PPP2R2C: variants seen among roughly 807,000 people sequenced by gnomAD.
PPP2R2C encodes the protein protein phosphatase 2 regulatory subunit Bgamma, also known as protein phosphatase 2, regulatory subunit B, gamma.
In PPP2R2C, 10 loss-of-function variants were observed where a neutral mutation model predicts 45.3. That is an observed-to-expected ratio of 0.22 (90% confidence interval 0.14 to 0.37). The LOEUF is 0.37. PPP2R2C is among the 10% of genes least tolerant of loss of function. The pLI, the probability that PPP2R2C is intolerant of heterozygous loss-of-function variation, is 1.00. For missense variants in PPP2R2C, 308 were observed against 619.7 expected, an observed-to-expected ratio of 0.50 and a Z score of 5.34; for synonymous variants, 257 against 245.4, an observed-to-expected ratio of 1.05 and a Z score of -0.44.
At chr4:6,376,451 C>CTT (rs58446685) in intron 3 of PPP2R2C, among the ~76,000 whole-genome samples, 2 of 144,010 alleles carry the variant, frequency 1.4e-5, no homozygotes, top group Non-Finnish European at 1.5e-5. Context: ...AGTGACATGT[C>CTT]TTTTTTTTTT....
At chr4:6,379,716 T>C (rs1056062617) in intron 2 of PPP2R2C, among the ~76,000 whole-genome samples, 4 of 152,242 alleles carry the variant, frequency 2.6e-5, no homozygotes, top group Non-Finnish European at 5.9e-5. Context: ...GAGGAACTGA[T>C]TGGCAGCTAG....
intron 1 of PPP2R2C, chr4:6,414,086 G>A (rs1251410796): frequency 1.1e-5 from 11 of 1,003,552 alleles, no homozygotes; most frequent in Admixed American, 6.1e-5. Context: ...ATGTGTGTGT[G>A]TGTGTGTGTG....
intron 2 of PPP2R2C, among the ~76,000 whole-genome samples, chr4:6,493,681 C>T (rs773223242): frequency 6.6e-6 from 1 of 151,954 alleles, no homozygotes; most frequent in Non-Finnish European, 1.5e-5. Context: ...ACACCCGCAG[C>T]GGAACACACC....
chr4:6,385,857 G>A (rs139114502), intron 1 of PPP2R2C, among the ~76,000 whole-genome samples: 15 of 152,150 alleles, frequency 9.9e-5, no homozygotes, highest in African/African-American at 1.4e-4. Flanking sequence ...GTGAGCCACC[G>A]CGCCCGGCCT....
At chr4:6,518,764 A>G (rs1723910305) in intron 2 of PPP2R2C, among the ~76,000 whole-genome samples, 1 of 151,982 alleles carries the variant, frequency 6.6e-6, no homozygotes, top group South Asian at 2.1e-4. Context: ...CTCTACTAAA[A>G]ATACAAAAAT....
chr4:6,534,655 A>G (rs1724537547), intron 2 of PPP2R2C, among the ~76,000 whole-genome samples: 1 of 152,004 alleles, frequency 6.6e-6, no homozygotes, highest in African/African-American at 2.4e-5. Flanking sequence ...ACAGCCCCAA[A>G]GAGATACACA....
intron 5 of PPP2R2C, among the ~76,000 whole-genome samples, chr4:6,371,339 A>T (rs1374338427): frequency 6.6e-6 from 1 of 152,162 alleles, no homozygotes; most frequent in Non-Finnish European, 1.5e-5. Flanking sequence ...CCTGGATCTC[A>T]GACCACAAAA....
In PPP2R2C at chr4:6,347,752, C is replaced by A. The variant is rs554741977; in HGVS notation, c.790+94G>T. 3.3e-5 allele frequency: 47 copies of A among 1,442,022 alleles called. No homozygotes were observed. In the South Asian group the frequency reaches 6.3e-4, roughly 19 times the overall value. 89.3% of individuals were successfully genotyped at this position (1,442,022 alleles called of 1,614,324 possible). A position where few individuals can be genotyped will look rare whatever the true frequency, so the allele number is the denominator to read the frequency against. Reference sequence around the variant, plus strand: ...CAGTCCAGGACATGCTCATCCCACACCCACCACCCCTGCAGCAGCTGCACC... The same window carrying A: ...CAGTCCAGGACATGCTCATCCCACAACCACCACCCCTGCAGCAGCTGCACC... On this transcript the variant is annotated intron_variant, in intron 6 of 8. Transcript: ENST00000382599.
rs542768142 is a variant in PPP2R2C, at chr4:6,368,913, G to A, written c.625+3610C>T. Among the ~76,000 whole-genome samples the A allele has an allele frequency of 8.5e-5, 13 of 152,246 alleles. No homozygotes were observed. In the South Asian group the frequency reaches 1.9e-3, roughly 22 times the overall value. On this transcript the variant is annotated intron_variant, in intron 5 of 8. Transcript: ENST00000382599. The surrounding 1 kb of genome is among the most constrained non-coding windows in gnomAD (Gnocchi z 4.2). ...TACATCAATAGCTTCATAGTTTCCC[G>A]TTCCCTGGAAGCAGGCAGGTGGGAA...
intron 1 of PPP2R2C, among the ~76,000 whole-genome samples, chr4:6,397,603 G>C (rs1183643176): frequency 1.0e-5 from 1 of 97,438 alleles, no homozygotes. Context: ...GGAATGGTTG[G>C]AACCCACAGA....
intron 3 of PPP2R2C, among the ~76,000 whole-genome samples, chr4:6,377,416 G>T (rs1715406346): frequency 6.6e-6 from 1 of 152,136 alleles, no homozygotes; most frequent in East Asian, 1.9e-4. Context: ...AGCACTTTGG[G>T]AGGCTGAGGC....
At chr4:6,484,578 A>G (rs1262811632) in intron 2 of PPP2R2C, among the ~76,000 whole-genome samples, 4 of 151,542 alleles carry the variant, frequency 2.6e-5, no homozygotes, top group African/African-American at 9.7e-5. Flanking sequence ...TTTGGGGGGA[A>G]CTGCCATCTT....
intron 2 of PPP2R2C, among the ~76,000 whole-genome samples, chr4:6,511,016 A>G (rs1560593006): frequency 6.7e-6 from 1 of 149,086 alleles, no homozygotes; most frequent in Non-Finnish European, 1.5e-5. Flanking sequence ...AAAACAGAAA[A>G]TGTTTGTTGA....
At chr4:6,396,607 C>T (rs1288768923) in intron 1 of PPP2R2C, among the ~76,000 whole-genome samples, 2 of 152,254 alleles carry the variant, frequency 1.3e-5, no homozygotes, top group African/African-American at 4.8e-5. Flanking sequence ...GCGTATCACA[C>T]TCAAAACTAT....
chr4:6,386,188 A>G (rs955723055), intron 1 of PPP2R2C, among the ~76,000 whole-genome samples: 8 of 152,208 alleles, frequency 5.3e-5, no homozygotes, highest in African/African-American at 1.7e-4. Flanking sequence ...GCAGGCGGTC[A>G]GCAATTGGGA....
intron 1 of PPP2R2C, among the ~76,000 whole-genome samples, chr4:6,546,341 T>A (rs1176067564): frequency 6.6e-6 from 1 of 152,138 alleles, no homozygotes; most frequent in African/African-American, 2.4e-5. Context: ...ACACACAGCA[T>A]GTGCTTTAAA....
At chr4:6,447,166 C>T (rs992696719) in intron 1 of PPP2R2C, among the ~76,000 whole-genome samples, 1 of 152,036 alleles carries the variant, frequency 6.6e-6, no homozygotes, top group Non-Finnish European at 1.5e-5. Context: ...CAAGGAGCCC[C>T]GGGGTCTTGA....
chr4:6,495,889 C>T (rs1450666511), intron 2 of PPP2R2C, among the ~76,000 whole-genome samples: 1 of 152,174 alleles, frequency 6.6e-6, no homozygotes, highest in African/African-American at 2.4e-5. Context: ...CTGGATGCAT[C>T]TTAGAGGGCT....
At chr4:6,389,736 G>GA (rs1372761947) in intron 1 of PPP2R2C, among the ~76,000 whole-genome samples, 1 of 152,158 alleles carries the variant, frequency 6.6e-6, no homozygotes, top group African/African-American at 2.4e-5. Flanking sequence ...ACCTATTACT[G>GA]AATCTTCTTA....
Sources: allele counts gnomAD v4.1 joint callset (sites outside exome capture counted in the v4.1 genomes callset), GRCh38; gene constraint gnomAD v4.1.1; non-coding constraint Gnocchi (gnomAD v3.1); transcripts MANE v1.5; gene names NCBI Gene and HGNC (gene_info 2026-07-23, HGNC 2026-07-21).